The following ADAM32 variants were observed in gnomAD, a reference collection of about 807,000 sequenced individuals.
ADAM32 encodes the protein ADAM metallopeptidase domain 32, also known as disintegrin and metalloproteinase domain-containing protein 32.
A neutral mutation model predicts 114.9 loss-of-function variants in ADAM32; 89 were observed. The observed-to-expected ratio is 0.77, with a 90% CI of 0.65 to 0.92. The LOEUF (loss-of-function observed/expected upper bound fraction) is 0.92. Ranked by LOEUF, ADAM32 falls within the 40% of genes least tolerant of loss-of-function variation. The probability of loss-of-function intolerance (pLI) is 0.00; values close to 1 mark genes in which losing one functional copy is unlikely to be tolerated. For synonymous variants in ADAM32, 285 were observed against 307.5 expected, an observed-to-expected ratio of 0.93 and a Z score of 0.77; for missense variants, 870 against 932.8, an observed-to-expected ratio of 0.93 and a Z score of 0.88.
chr8:39,170,768 GT>G (rs1053054646), intron 10 of ADAM32, among the ~76,000 whole-genome samples: 7 of 151,964 alleles, frequency 4.6e-5, no homozygotes, highest in African/African-American at 1.7e-4. Flanking sequence ...TTTAGAACAT[GT>G]TTTTAGAAAC....
intron 12 of ADAM32, 197 bp from the exon 13 acceptor site, chr8:39,221,413 T>C: frequency 1.9e-6 from 1 of 526,254 alleles, no homozygotes; most frequent in Admixed American, 3.3e-5. Context: ...AGTAGGTTAC[T>C]AGTTACTCTC....
rs745966778 is a variant in ADAM32 at position 39,234,012 on chromosome 8, A to G, written c.1748A>G (p.Asp583Gly). Residue 583 changes from aspartate to glycine, a missense_variant, in exon 16 of 25, where the codon GAC becomes GGC. By Grantham distance (94) the Asp-to-Gly change is moderately conservative. Coordinates refer to ENST00000379907, the MANE Select transcript of ADAM32 (RefSeq NM_145004.7). ...FVRDSVCITV[D>G]YKLPRTVPDP... ...CGAGATTCTGTATGCATAACTGTAG[A>G]CTACAAATTGCCTCGAACAGTTCCA... 1 of 1,552,090 alleles carries G rather than the reference A, an allele frequency of 6.4e-7. No individual in the cohort carries two copies. The highest frequency in any genetic ancestry group is 8.7e-7 in the Non-Finnish European group (1 of 1,146,246).
intron 11 of ADAM32, among the ~76,000 whole-genome samples, chr8:39,195,541 A>G (rs1018868303): frequency 2.0e-5 from 3 of 152,136 alleles, no homozygotes; most frequent in Non-Finnish European, 4.4e-5. Flanking sequence ...GTTTTCTTCT[A>G]GCAGTTTTAC....
Position 39,146,811 on chromosome 8 carries a change from T to C in ADAM32, c.201-319T>C, listed in dbSNP as rs144724639. Among the ~76,000 whole-genome samples, 3 of 152,370 alleles carry C rather than the reference T, an allele frequency of 2.0e-5. No homozygotes were observed. In the East Asian group the frequency reaches 5.8e-4, roughly 29 times the overall value. On this transcript the variant is annotated intron_variant, in intron 3 of 24. Coordinates refer to ENST00000379907, the MANE Select transcript of ADAM32 (RefSeq NM_145004.7). ...TATTTTGAGTAAACGTATATTGCTTTAAGTAAACATTAAATATATGTCAAA... is the reference window on the plus strand; with the variant it reads ...TATTTTGAGTAAACGTATATTGCTTCAAGTAAACATTAAATATATGTCAAA...
intron 1 of ADAM32, among the ~76,000 whole-genome samples, chr8:39,113,591 G>A (rs1288372684): frequency 1.3e-5 from 2 of 152,122 alleles, no homozygotes; most frequent in Non-Finnish European, 2.9e-5. Flanking sequence ...ATCTCAGCAT[G>A]CTGCAACCAC....
chr8:39,194,954 G>A (rs955710637), intron 11 of ADAM32, among the ~76,000 whole-genome samples: 2 of 152,220 alleles, frequency 1.3e-5, no homozygotes, highest in African/African-American at 4.8e-5. Flanking sequence ...TCAAGCATCT[G>A]TGGTGGTTGG....
At chr8:39,250,971 C>T (rs1191518782) in intron 17 of ADAM32, among the ~76,000 whole-genome samples, 1 of 151,898 alleles carries the variant, frequency 6.6e-6, no homozygotes, top group African/African-American at 2.4e-5. Flanking sequence ...ATAATAACTT[C>T]CAGTTCCATC....
chr8:39,257,441 A>G, intron 19 of ADAM32, 98 bp downstream of exon 19: 1 of 1,372,146 alleles, frequency 7.3e-7, no homozygotes, highest in South Asian at 1.7e-5. Context: ...TTTACATATC[A>G]CTGGGATTTT....
chr8:39,281,005 A>G (rs1427837286), intron 22 of ADAM32, 131 bp from the exon 23 acceptor site: 1 of 231,394 alleles, frequency 4.3e-6, no homozygotes, highest in African/African-American at 2.3e-5. Context: ...GATGGTCTCG[A>G]TCTCCTGACC....
chr8:39,164,930 A>AGGAT (rs1804734178), intron 8 of ADAM32, 95 bp downstream of exon 8: 1 of 1,483,904 alleles, frequency 6.7e-7, no homozygotes, highest in African/African-American at 1.4e-5. Flanking sequence ...TAACCCACCC[A>AGGAT]TATAAACTGA....
chr8:39,115,588 GTTT>G (rs546825917), intron 1 of ADAM32, among the ~76,000 whole-genome samples: 1 of 142,034 alleles, frequency 7.0e-6, no homozygotes. Flanking sequence ...TTTTTAATGG[GTTT>G]TTTTTTTTTT....
intron 19 of ADAM32, among the ~76,000 whole-genome samples, chr8:39,261,570 C>T (rs1320392124): frequency 6.6e-6 from 1 of 152,232 alleles, no homozygotes; most frequent in South Asian, 2.1e-4. Context: ...GGATAAATAC[C>T]CAGTGGTGTG....
chr8:39,159,120 G>A (rs1021290394), intron 6 of ADAM32, among the ~76,000 whole-genome samples: 4 of 152,006 alleles, frequency 2.6e-5, no homozygotes, highest in Non-Finnish European at 5.9e-5. Flanking sequence ...ATTTTGATGT[G>A]GTAATGCTGG....
intron 1 of ADAM32, among the ~76,000 whole-genome samples, chr8:39,117,031 A>C (rs1400222472): frequency 6.6e-6 from 1 of 152,106 alleles, no homozygotes; most frequent in East Asian, 1.9e-4. Context: ...CTACATGCAC[A>C]TGCCACCATG....
chr8:39,275,715 C>A lies in ADAM32; in HGVS notation c.2241-113C>A. On this transcript the variant is annotated intron_variant, in intron 21 of 24. Transcript: ENST00000379907. ...TTGAAATTATTCTTCAGTGGTGATT[C>A]TTGGTAGAGAAGAATTAACACAGGT... is the stretch of plus-strand genomic sequence containing the variant. 6.1e-6 allele frequency: 6 copies of A among 985,502 alleles called. No homozygotes were observed. In the South Asian group the frequency reaches 1.3e-4, roughly 21 times the overall value. 61.0% of individuals were successfully genotyped at this position (985,502 alleles called of 1,614,324 possible). A position where few individuals can be genotyped will look rare whatever the true frequency, so the allele number is the denominator to read the frequency against.
At chr8:39,240,976 C>T (rs575378764) in intron 16 of ADAM32, among the ~76,000 whole-genome samples, 1 of 152,292 alleles carries the variant, frequency 6.6e-6, no homozygotes, top group Non-Finnish European at 1.5e-5. Context: ...GTCCCTTCCA[C>T]CTATAAAATC....
At chr8:39,143,517 T>A (rs1455895131) in intron 3 of ADAM32, among the ~76,000 whole-genome samples, 3 of 152,188 alleles carry the variant, frequency 2.0e-5, no homozygotes, top group Non-Finnish European at 2.9e-5. Context: ...AGACCCTGTT[T>A]GCCTGGGTAT....
At chr8:39,237,490 C>T (rs919506702) in intron 16 of ADAM32, among the ~76,000 whole-genome samples, 3 of 151,966 alleles carry the variant, frequency 2.0e-5, no homozygotes, top group African/African-American at 7.3e-5. Context: ...AGATCTCAGC[C>T]CTGTGCACCA....
chr8:39,242,834 A>G (rs1046763775), intron 16 of ADAM32, among the ~76,000 whole-genome samples: 3 of 152,232 alleles, frequency 2.0e-5, no homozygotes, highest in African/African-American at 7.2e-5. Flanking sequence ...GGAAAAATAG[A>G]TGAAACAAAA....
Sources: gnomAD v4.1 joint callset for allele counts (sites outside exome capture counted in the v4.1 genomes callset) on GRCh38, gnomAD v4.1.1 for gene constraint, MANE v1.5 for transcripts, NCBI Gene and HGNC (gene_info 2026-07-23, HGNC 2026-07-21) for gene names.